The following BCAS3 variants were observed in gnomAD, a reference collection of about 807,000 sequenced individuals.
The protein encoded by BCAS3 is BCAS4/BCAS3 fusion.
Under a neutral mutation model 116.1 loss-of-function variants are expected in BCAS3, and 53 were observed. The observed-to-expected ratio is 0.46, with a 90% CI of 0.37 to 0.57. The LOEUF (loss-of-function observed/expected upper bound fraction) is 0.57, where lower values mean the gene tolerates loss of function less well. Among genes scored for constraint, BCAS3 ranks in the 20% least tolerant of loss-of-function variants. BCAS3 has a pLI of 0.00. For missense variants in BCAS3, 917 were observed against 1,165.4 expected (o/e 0.79, Z 3.10); for synonymous variants, 391 against 408.2 (o/e 0.96, Z 0.51).
chr17:61,320,652 G>A (rs1304184279), intron 22 of BCAS3, among the ~76,000 whole-genome samples: 1 of 151,452 alleles, frequency 6.6e-6, no homozygotes, highest in Non-Finnish European at 1.5e-5. Context: ...CTCCAGCCTG[G>A]GCGACAGAGC....
At chr17:60,805,389 A>G (rs1190089472) in intron 6 of BCAS3, among the ~76,000 whole-genome samples, 1 of 152,154 alleles carries the variant, frequency 6.6e-6, no homozygotes, top group East Asian at 1.9e-4. Flanking sequence ...ATTGTAGGGG[A>G]GGAAAACTTC....
chr17:61,059,318 A>T (rs985011239), intron 19 of BCAS3, among the ~76,000 whole-genome samples: 1 of 151,676 alleles, frequency 6.6e-6, no homozygotes, highest in Non-Finnish European at 1.5e-5. Flanking sequence ...TCCTGACCTC[A>T]TGATCCGCCT....
chr17:60,819,983 G>A (rs548818159), intron 7 of BCAS3, among the ~76,000 whole-genome samples: 5 of 152,120 alleles, frequency 3.3e-5, no homozygotes, highest in East Asian at 1.9e-4. Flanking sequence ...CAGAGAAAGC[G>A]ATATGAAGAG....
rs1054196282 is a variant in BCAS3 at position 60,891,648 on chromosome 17, G to T, written c.738+1877G>T. On this transcript the variant is annotated intron_variant, in intron 10 of 23. Transcript: ENST00000407086. ...TTTGACTATAAAATCTTAAGAAGCC[G>T]TATATCTTTGTTTAGTTTTGAGATT... The T allele has an allele frequency of 6.6e-6, 3 of 454,984 alleles. No individual in the cohort carries two copies. In the East Asian group the frequency reaches 2.1e-4, roughly 32 times the overall value. 28.2% of individuals were successfully genotyped at this position (454,984 alleles called of 1,614,324 possible).
At position 61,205,253 on chromosome 17, in the gene BCAS3, C is replaced by G. The variant is rs2081056661; in HGVS notation, c.2425+120689C>G. Among the ~76,000 whole-genome samples the G allele has an allele frequency of 6.6e-6, 1 of 152,110 alleles. No individual in the cohort carries two copies. Among genetic ancestry groups the G allele is most frequent in the Non-Finnish European group, 1.5e-5 (1 of 68,024 alleles). On this transcript the variant is annotated intron_variant, in intron 22 of 23. Coordinates refer to ENST00000407086, the MANE Select transcript of BCAS3 (RefSeq NM_017679.5). This position sits in a 1 kb window ranked among gnomAD's most constrained non-coding sequence, Gnocchi z 5.2. ...AGAATATATCCTAAATTGGATACAG[C>G]CAGAGAATAGTTTACTGATAAAATA...
chr17:61,337,746 G>A lies in BCAS3; in HGVS notation c.2426-30581G>A, dbSNP rs1186753186. ...CTACTCCCTCTCCTCTAGCCTTAAAGTGTCCACTAGGTTCTTGGCTGAAAC... is the reference window on the plus strand; with the variant it reads ...CTACTCCCTCTCCTCTAGCCTTAAAATGTCCACTAGGTTCTTGGCTGAAAC... On this transcript the variant is annotated intron_variant, in intron 22 of 23. Coordinates refer to ENST00000407086, the MANE Select transcript of BCAS3 (RefSeq NM_017679.5). This position sits in a 1 kb window ranked among gnomAD's most constrained non-coding sequence, Gnocchi z 4.8. 6.6e-6 allele frequency among the ~76,000 whole-genome samples: 1 copy of A among 152,008 alleles called. No individual in the cohort carries two copies. Among genetic ancestry groups the A allele is most frequent in the African/African-American group, 2.4e-5 (1 of 41,366 alleles).
intron 22 of BCAS3, among the ~76,000 whole-genome samples, chr17:61,147,478 C>T (rs1229195135): frequency 1.3e-5 from 2 of 152,148 alleles, no homozygotes; most frequent in African/African-American, 4.8e-5. Context: ...CCACCTTGGC[C>T]TCCAAAAGTG....
rs1452754839 is a variant in BCAS3 at position 61,020,039 on chromosome 17, A to G, written c.1637+4138A>G. Among the ~76,000 whole-genome samples, 7 of 152,230 alleles carry G rather than the reference A, an allele frequency of 4.6e-5. No homozygotes were observed. In the East Asian group the frequency reaches 9.6e-4, roughly 21 times the overall value. On this transcript the variant is annotated intron_variant, in intron 16 of 23. Transcript: ENST00000407086. This position sits in a 1 kb window ranked among gnomAD's most constrained non-coding sequence, Gnocchi z 4.5. The stretch of plus-strand genomic sequence containing the variant: ...GATAATGTAGTTGGTAAAATTATGT[A>G]CTTAGGTTAGATAAGCTTCCACTTC...
chr17:61,263,547 T>G (rs2144596186), intron 22 of BCAS3, among the ~76,000 whole-genome samples: 1 of 152,336 alleles, frequency 6.6e-6, no homozygotes, highest in African/African-American at 2.4e-5. Flanking sequence ...GAGTGGAAAG[T>G]GTTTCTGAAG....
intron 6 of BCAS3, among the ~76,000 whole-genome samples, chr17:60,807,571 C>T (rs2048392976): frequency 1.3e-5 from 2 of 152,034 alleles, no homozygotes; most frequent in Non-Finnish European, 2.9e-5. Context: ...CACTTGAGGT[C>T]AGGAGTGTGA....
At chr17:60,808,486 G>T (rs950947408) in intron 7 of BCAS3, among the ~76,000 whole-genome samples, 1 of 152,180 alleles carries the variant, frequency 6.6e-6, no homozygotes, top group Non-Finnish European at 1.5e-5. Flanking sequence ...AGTAAATAGT[G>T]TGCACTTCAG....
At chr17:60,753,272 C>G (rs563735287) in intron 6 of BCAS3, among the ~76,000 whole-genome samples, 1 of 152,104 alleles carries the variant, frequency 6.6e-6, no homozygotes, top group African/African-American at 2.4e-5. Flanking sequence ...TATTATTAAT[C>G]TTTAGTTTCA....
chr17:61,236,106 T>C (rs766082569), intron 22 of BCAS3, among the ~76,000 whole-genome samples: 19 of 152,146 alleles, frequency 1.2e-4, no homozygotes, highest in Non-Finnish European at 5.9e-5. Flanking sequence ...GATTTTTATC[T>C]CCGCAGGACT....
rs1446129382 is a variant in BCAS3, at chr17:61,256,055, C to T, written c.2426-112272C>T. On this transcript the variant is annotated intron_variant, in intron 22 of 23. Transcript: ENST00000407086. This position sits in a 1 kb window ranked among gnomAD's most constrained non-coding sequence, Gnocchi z 5.6. ...TATTTATTTTCTGATTTTTTTTAAC[C>T]TTTCAGTTAATAAATGTTTTCCAGC... 6.6e-6 allele frequency among the ~76,000 whole-genome samples: 1 copy of T among 152,016 alleles called. No homozygotes were observed. The highest frequency in any genetic ancestry group is 1.5e-5 in the Non-Finnish European group (1 of 68,004).
intron 11 of BCAS3, among the ~76,000 whole-genome samples, 162 bp downstream of exon 11, chr17:60,902,865 A>G (rs547391047): frequency 1.5e-3 from 221 of 152,362 alleles, no homozygotes; most frequent in South Asian, 6.0e-3. Context: ...TACCTAATTA[A>G]TACCACATTT....
At position 61,098,901 on chromosome 17, in the gene BCAS3, G is replaced by A. The variant is rs775846213; in HGVS notation, c.2425+14337G>A. The stretch of plus-strand genomic sequence containing the variant: ...AGCACTTTGGGAGGCCGAGGCAGGT[G>A]ATCACCAGGTCAGGAGATCGAGATC... On this transcript the variant is annotated intron_variant, in intron 22 of 23. Transcript: ENST00000407086. This position sits in a 1 kb window ranked among gnomAD's most constrained non-coding sequence, Gnocchi z 4.2. Among the ~76,000 whole-genome samples, 59 of 152,162 alleles carry A rather than the reference G, an allele frequency of 3.9e-4. No homozygotes were observed. The highest frequency in any genetic ancestry group is 3.4e-3 in the Middle Eastern group (1 of 294).
chr17:60,811,406 A>T (rs2048804098), intron 7 of BCAS3: 1 of 616,204 alleles, frequency 1.6e-6, no homozygotes, highest in Non-Finnish European at 3.0e-6. Flanking sequence ...CTCTCCCAGG[A>T]TAGTGGATGG....
chr17:61,273,804 T>C (rs1269323383), intron 22 of BCAS3, among the ~76,000 whole-genome samples: 1 of 136,170 alleles, frequency 7.3e-6, no homozygotes, highest in African/African-American at 2.7e-5. Flanking sequence ...TCTTCAAGTG[T>C]ATAGGTCTCT....
Position 61,028,712 on chromosome 17 carries a change from A to G in BCAS3, c.1638-5954A>G, listed in dbSNP as rs2066430409. ...AATGATTTGAGGTTGAAACAAGATT[A>G]AAAGAGCCAGATTAAAGAAAGGGAT... On this transcript the variant is annotated intron_variant, in intron 16 of 23. Coordinates refer to ENST00000407086, the MANE Select transcript of BCAS3 (RefSeq NM_017679.5). The surrounding 1 kb of genome is among the most constrained non-coding windows in gnomAD (Gnocchi z 4.3). Among the ~76,000 whole-genome samples the G allele has an allele frequency of 6.6e-6, 1 of 151,962 alleles. No individual in the cohort carries two copies. The highest frequency in any genetic ancestry group is 2.4e-5 in the African/African-American group (1 of 41,434).
Sources: allele counts gnomAD v4.1 joint callset (sites outside exome capture counted in the v4.1 genomes callset), GRCh38; gene constraint gnomAD v4.1.1; non-coding constraint Gnocchi (gnomAD v3.1); transcripts MANE v1.5; gene names NCBI Gene and HGNC (gene_info 2026-07-23, HGNC 2026-07-21).